The following NDUFAF6 variants were observed in gnomAD, a reference collection of about 807,000 sequenced individuals.
The protein encoded by NDUFAF6 is NADH:ubiquinone oxidoreductase complex assembly factor 6.
A neutral mutation model predicts 40.8 loss-of-function variants in NDUFAF6; 45 were observed. The observed-to-expected ratio is 1.10, with a 90% CI of 0.87 to 1.42. The LOEUF (loss-of-function observed/expected upper bound fraction) is 1.42, where lower values mean the gene tolerates loss of function less well. Among genes scored for constraint, NDUFAF6 ranks in the 40% most tolerant of loss-of-function variants. The pLI is 0.00. For synonymous variants in NDUFAF6, 185 were observed against 155.9 expected, an observed-to-expected ratio of 1.19 and a Z score of -1.39; for missense variants, 435 against 418.5, an observed-to-expected ratio of 1.04 and a Z score of -0.34.
intron 2 of NDUFAF6, among the ~76,000 whole-genome samples, chr8:94,997,446 T>C (rs970481612): frequency 1.3e-5 from 2 of 152,048 alleles, no homozygotes; most frequent in African/African-American, 4.8e-5. Context: ...GCAGATATGC[T>C]TAGAACATCA....
intron 2 of NDUFAF6, among the ~76,000 whole-genome samples, chr8:95,083,919 A>T (rs1176235174): frequency 6.6e-6 from 1 of 152,204 alleles, no homozygotes; most frequent in African/African-American, 2.4e-5. Context: ...AGACAAGCAT[A>T]ATGTTTTCCC....
downstream of NDUFAF6, among the ~76,000 whole-genome samples, chr8:95,117,715 T>A (rs1000668670): frequency 3.3e-5 from 5 of 152,200 alleles, no homozygotes; most frequent in Non-Finnish European, 7.3e-5. Context: ...AAATGACATA[T>A]GTCTCTTCCG....
intron 2 of NDUFAF6, among the ~76,000 whole-genome samples, chr8:95,086,395 T>G (rs945348367): frequency 1.3e-5 from 2 of 152,210 alleles, no homozygotes; most frequent in Non-Finnish European, 2.9e-5. Flanking sequence ...CTATTTTCAT[T>G]TGTTACTGTG....
At chr8:95,006,043 G>C (rs1826962474) in intron 2 of NDUFAF6, among the ~76,000 whole-genome samples, 1 of 151,956 alleles carries the variant, frequency 6.6e-6, no homozygotes, top group Admixed American at 6.6e-5. Context: ...TGTTTCTGTT[G>C]TCACTCCTTT....
intron 1 of NDUFAF6, among the ~76,000 whole-genome samples, chr8:94,915,933 T>TA (rs1409678154): frequency 4.6e-5 from 7 of 152,234 alleles, no homozygotes; most frequent in Non-Finnish European, 5.9e-5. Context: ...ATTGTGAGGA[T>TA]ATCCCTCCTT....
At chr8:94,982,147 G>C (rs1399435952) in intron 2 of NDUFAF6, among the ~76,000 whole-genome samples, 1 of 151,968 alleles carries the variant, frequency 6.6e-6, no homozygotes, top group Admixed American at 6.6e-5. Flanking sequence ...CGGGAGAATG[G>C]CGTGAACCCA....
At chr8:95,082,023 C>T (rs1808886147) in intron 2 of NDUFAF6, among the ~76,000 whole-genome samples, 1 of 152,094 alleles carries the variant, frequency 6.6e-6, no homozygotes, top group Admixed American at 6.5e-5. Context: ...GAGATCGCGC[C>T]ACTGCACTCC....
chr8:94,942,606 T>G (rs775442616), intron 1 of NDUFAF6, among the ~76,000 whole-genome samples: 4 of 152,232 alleles, frequency 2.6e-5, no homozygotes, highest in Non-Finnish European at 4.4e-5. Context: ...ACTGAGCACC[T>G]GTTATGCATC....
upstream of NDUFAF6, among the ~76,000 whole-genome samples, chr8:94,955,159 G>A (rs1003252281): frequency 1.3e-5 from 2 of 152,206 alleles, no homozygotes; most frequent in African/African-American, 4.8e-5. Context: ...TAGGTCTTTG[G>A]TAAGTGTGTG....
chr8:94,971,661 G>A (rs1824469017), intron 1 of NDUFAF6, among the ~76,000 whole-genome samples: 3 of 152,186 alleles, frequency 2.0e-5, no homozygotes, highest in Admixed American at 2.0e-4. Context: ...TCTGGGCCTG[G>A]CGCGGTGGCT....
At chr8:95,023,032 T>C (rs1827755761), upstream of NDUFAF6, 3 of 152,214 alleles carry the variant, frequency 2.0e-5, no homozygotes, top group South Asian at 6.2e-4. Context: ...TTCCCTGTGG[T>C]GTCGATTTAT....
chr8:95,033,651 G>T (rs903109457), intron 2 of NDUFAF6, among the ~76,000 whole-genome samples: 1 of 152,174 alleles, frequency 6.6e-6, no homozygotes, highest in Non-Finnish European at 1.5e-5. Context: ...GTACACCAGG[G>T]GTTCCTATTT....
rs146710624 is a variant in NDUFAF6, at chr8:94,999,929, G to C, written c.-84+18956G>C. On this transcript the variant is annotated intron_variant, in intron 2 of 9. Coordinates refer to the NDUFAF6 transcript ENST00000396111. The stretch of plus-strand genomic sequence containing the variant: ...GACAGGAATCAAAAAGCTTATTTGG[G>C]GGCCAGATGTGGTGGCTCATACCTA... Among the ~76,000 whole-genome samples the C allele has an allele frequency of 1.0e-3, 155 of 152,172 alleles. 1 individual carries two copies. Among genetic ancestry groups the C allele is most frequent in the Middle Eastern group, 6.8e-3 (2 of 294 alleles).
At chr8:94,902,016 A>C (rs1265023543) in intron 1 of NDUFAF6, among the ~76,000 whole-genome samples, 1 of 152,114 alleles carries the variant, frequency 6.6e-6, no homozygotes, top group African/African-American at 2.4e-5. Flanking sequence ...CCATCTATCC[A>C]TCCATCATTC....
intron 9 of NDUFAF6, among the ~76,000 whole-genome samples, chr8:95,074,880 T>C (rs1832984858): frequency 6.6e-6 from 1 of 152,216 alleles, no homozygotes; most frequent in Non-Finnish European, 1.5e-5. Flanking sequence ...AAGGGCCTCA[T>C]GTTATGATTA....
At chr8:94,959,574 A>C (rs978676107) in intron 1 of NDUFAF6, among the ~76,000 whole-genome samples, 38 of 140,636 alleles carry the variant, frequency 2.7e-4, no homozygotes, top group African/African-American at 9.6e-4. Context: ...TTTGTTTCCT[A>C]GGCTGGAGTG....
intron 2 of NDUFAF6, among the ~76,000 whole-genome samples, chr8:94,993,320 C>T (rs1826274066): frequency 6.6e-6 from 1 of 152,218 alleles, no homozygotes; most frequent in Admixed American, 6.5e-5. Context: ...AGGACTTCAA[C>T]ATATGTGTTG....
chr8:95,065,517 T>C (rs978492737), intron 9 of NDUFAF6, among the ~76,000 whole-genome samples: 21 of 152,216 alleles, frequency 1.4e-4, no homozygotes, highest in African/African-American at 4.8e-4. Context: ...AATTTAGTAA[T>C]ATAATGTAGA....
exon 1 of NDUFAF6, chr8:95,100,516 T>C (rs1397911254): frequency 6.6e-6 from 1 of 152,226 alleles, no homozygotes; most frequent in African/African-American, 2.4e-5. Flanking sequence ...ATATACTGTG[T>C]TACTGATTTA....
Sources: gnomAD v4.1 joint callset for allele counts (sites outside exome capture counted in the v4.1 genomes callset) on GRCh38, gnomAD v4.1.1 for gene constraint, MANE v1.5 for transcripts, NCBI Gene and HGNC (gene_info 2026-07-23, HGNC 2026-07-21) for gene names.